The following PTPRT variants were observed in gnomAD, a reference collection of about 807,000 sequenced individuals.
PTPRT encodes the protein protein tyrosine phosphatase receptor type T, also known as receptor-type tyrosine-protein phosphatase T.
A neutral mutation model predicts 176.8 loss-of-function variants in PTPRT; 56 were observed. The ratio of observed to expected loss-of-function variants is 0.32; its 90% CI spans 0.26 to 0.40. The LOEUF (loss-of-function observed/expected upper bound fraction) is 0.40. Among genes scored for constraint, PTPRT ranks in the 10% least tolerant of loss-of-function variants. The pLI is 1.00. For synonymous variants in PTPRT, 783 were observed against 739.0 expected (o/e 1.06, Z -0.96); for missense variants, 1,540 against 1,908.2 (o/e 0.81, Z 3.60).
chr20:42,310,704 T>C (rs2057615008), intron 12 of PTPRT, among the ~76,000 whole-genome samples: 1 of 152,144 alleles, frequency 6.6e-6, no homozygotes, highest in Non-Finnish European at 1.5e-5. Context: ...TTCTATAATA[T>C]TGCTATATCC....
At chr20:43,072,694 T>C (rs1444914927) in intron 1 of PTPRT, among the ~76,000 whole-genome samples, 5 of 152,226 alleles carry the variant, frequency 3.3e-5, no homozygotes, top group Non-Finnish European at 7.3e-5. Flanking sequence ...TTTCTTCCTT[T>C]CTCCAAAGCT....
At chr20:42,649,120 A>G (rs963651165) in intron 7 of PTPRT, among the ~76,000 whole-genome samples, 1 of 151,992 alleles carries the variant, frequency 6.6e-6, no homozygotes, top group East Asian at 1.9e-4. Context: ...TGCCCGGCCA[A>G]GGAAAGAGGT....
At chr20:42,741,213 G>A (rs2076604487) in intron 6 of PTPRT, among the ~76,000 whole-genome samples, 1 of 152,190 alleles carries the variant, frequency 6.6e-6, no homozygotes, top group African/African-American at 2.4e-5. Flanking sequence ...CAAAGGTCAT[G>A]GTAACTTCTG....
At position 42,185,872 on chromosome 20, in the gene PTPRT, C is replaced by T. The variant is rs116025276; in HGVS notation, c.2491+13368G>A. Among the ~76,000 whole-genome samples, 450 of 152,156 alleles carry T rather than the reference C, an allele frequency of 3.0e-3. 1 individual carries two copies. The highest frequency in any genetic ancestry group is 0.01 in the African/African-American group (420 of 41,532). ...GGTCCTTCCCTCTCGAGCTTGCCAT[C>T]TAACAGAGGGGTCAGGCACTCTGCT... On this transcript the variant is annotated intron_variant, in intron 16 of 30. Coordinates refer to ENST00000373187, the MANE Select transcript of PTPRT (RefSeq NM_007050.6).
At chr20:42,837,819 A>C (rs556674333) in intron 2 of PTPRT, among the ~76,000 whole-genome samples, 1 of 152,142 alleles carries the variant, frequency 6.6e-6, no homozygotes, top group Non-Finnish European at 1.5e-5. Flanking sequence ...GCAAAGGAGA[A>C]AATAGAATAA....
intron 7 of PTPRT, among the ~76,000 whole-genome samples, chr20:42,648,820 GTTT>G (rs68036487): frequency 0.28 from 30,885 of 111,472 alleles, 3,631 homozygotes; most frequent in Non-Finnish European, 0.33. Context: ...TGGTGTCGTT[GTTT>G]TTTTTTTTTT....
chr20:42,402,526 C>T (rs2058919304), intron 9 of PTPRT, among the ~76,000 whole-genome samples: 1 of 145,728 alleles, frequency 6.9e-6, no homozygotes. Context: ...TCAGCGACAG[C>T]TAAAGACTTC....
At chr20:42,303,992 A>C (rs1233445319) in intron 12 of PTPRT, among the ~76,000 whole-genome samples, 3 of 152,230 alleles carry the variant, frequency 2.0e-5, no homozygotes, top group African/African-American at 7.2e-5. Flanking sequence ...TCAACTGTGT[A>C]GCCCAATAAA....
intron 1 of PTPRT, among the ~76,000 whole-genome samples, chr20:42,974,299 G>A (rs1198423721): frequency 2.0e-5 from 3 of 152,110 alleles, no homozygotes; most frequent in Non-Finnish European, 2.9e-5. Flanking sequence ...ATATTTTCTT[G>A]CCAACTACAG....
At chr20:42,404,368 T>G (rs1236085711) in intron 9 of PTPRT, among the ~76,000 whole-genome samples, 1 of 152,078 alleles carries the variant, frequency 6.6e-6, no homozygotes, top group African/African-American at 2.4e-5. Flanking sequence ...AATGACTGAG[T>G]AAAGATCTCA....
At chr20:42,116,638 G>A (rs1987299254) in intron 21 of PTPRT, among the ~76,000 whole-genome samples, 2 of 152,272 alleles carry the variant, frequency 1.3e-5, no homozygotes, top group Admixed American at 6.5e-5. Context: ...TTTTGCAGAC[G>A]AGGAAGCATA....
At chr20:42,681,169 CT>C (rs2075596932) in intron 6 of PTPRT, among the ~76,000 whole-genome samples, 1 of 152,152 alleles carries the variant, frequency 6.6e-6, no homozygotes, top group Admixed American at 6.5e-5. Flanking sequence ...TAGACAAACC[CT>C]ATCTATTTAT....
intron 1 of PTPRT, among the ~76,000 whole-genome samples, chr20:43,138,872 C>T (rs1462602625): frequency 6.6e-6 from 1 of 152,160 alleles, no homozygotes; most frequent in Non-Finnish European, 1.5e-5. Context: ...GATGCAGAGC[C>T]TCTGTCACAC....
intron 6 of PTPRT, among the ~76,000 whole-genome samples, chr20:42,704,104 T>C (rs2076015470): frequency 6.6e-6 from 1 of 152,188 alleles, no homozygotes. Flanking sequence ...GTATCTTTCT[T>C]GTCCAGCTCA....
chr20:42,149,290 A>G (rs1464313582), intron 17 of PTPRT, among the ~76,000 whole-genome samples: 2 of 152,156 alleles, frequency 1.3e-5, no homozygotes, highest in Non-Finnish European at 2.9e-5. Flanking sequence ...GGCTCTCCAG[A>G]GCAGAGAGAA....
At chr20:42,411,084 C>A (rs1471448142) in intron 9 of PTPRT, among the ~76,000 whole-genome samples, 2 of 152,004 alleles carry the variant, frequency 1.3e-5, no homozygotes, top group African/African-American at 4.8e-5. Context: ...AAGGTAAGAA[C>A]AGAAATGAGT....
At chr20:42,055,484 G>T in the PTPRT span, among the ~76,000 whole-genome samples, 1 of 152,328 alleles carries the variant, frequency 6.6e-6, no homozygotes, top group South Asian at 2.1e-4. Context: ...GAGCAGCCAG[G>T]CCAGCAGTAT....
intron 1 of PTPRT, among the ~76,000 whole-genome samples, chr20:43,145,298 A>T (rs1356385790): frequency 1.3e-5 from 2 of 152,198 alleles, no homozygotes; most frequent in Non-Finnish European, 2.9e-5. Flanking sequence ...AGATTATTGA[A>T]GGTTTCCTAT....
intron 7 of PTPRT, among the ~76,000 whole-genome samples, chr20:42,508,332 G>A (rs1283315021): frequency 6.6e-6 from 1 of 152,142 alleles, no homozygotes; most frequent in Non-Finnish European, 1.5e-5. Flanking sequence ...TCTAAGAACA[G>A]TTGGGGTTGG....
Sources: gnomAD v4.1 joint callset for allele counts (sites outside exome capture counted in the v4.1 genomes callset) on GRCh38, gnomAD v4.1.1 for gene constraint, MANE v1.5 for transcripts, NCBI Gene and HGNC (gene_info 2026-07-23, HGNC 2026-07-21) for gene names.